Variants in EHD1 observed in about 807,000 individuals in gnomAD.
EHD1 encodes the protein EH domain containing 1.
A neutral mutation model predicts 39.0 loss-of-function variants in EHD1; 19 were observed. The ratio of observed to expected loss-of-function variants is 0.49; its 90% CI spans 0.34 to 0.72. EHD1 has a LOEUF of 0.72. Among genes scored for constraint, EHD1 ranks in the 30% least tolerant of loss-of-function variants. The pLI is 0.01. For missense variants in EHD1, 542 were observed against 751.5 expected, an observed-to-expected ratio of 0.72 and a Z score of 3.26; for synonymous variants, 323 against 331.2, an observed-to-expected ratio of 0.98 and a Z score of 0.27.
chr11:64,877,500 T>TC (rs1318172203), intron 1 of EHD1, among the ~76,000 whole-genome samples: 1 of 152,014 alleles, frequency 6.6e-6, no homozygotes, highest in Non-Finnish European at 1.5e-5. Flanking sequence ...ACCTCAACTG[T>TC]CCCCTGCCTC....
chr11:64,879,682 G>A, upstream of EHD1: 7 of 1,548,450 alleles, frequency 4.5e-6, no homozygotes, highest in African/African-American at 1.4e-5. Flanking sequence ...CCCTTTGGCT[G>A]TCCAGGCTGG....
In EHD1 at chr11:64,854,370, G is replaced by A. The variant is rs529387634; in HGVS notation, c.1568C>T (p.Pro523Leu). Residue 523 changes from proline (P) to leucine (L), a missense_variant, in exon 5 of 5, where the codon CCG (proline) becomes CTG (leucine). Coordinates refer to ENST00000320631, the MANE Select transcript of EHD1 (RefSeq NM_006795.4). ...EGHELPADLPPHLVPPSKRRH... is the reference protein window; with the variant it reads ...EGHELPADLPLHLVPPSKRRH... The stretch of plus-strand genomic sequence containing the variant: ...GCGCTTGGAGGGCGGCACCAGGTGC[G>A]GGGGCAGGTCGGCGGGCAGCTCGTG... 15 of 1,612,584 alleles carry A rather than the reference G, an allele frequency of 9.3e-6. No individual in the cohort carries two copies. Among genetic ancestry groups the A allele is most frequent in the East Asian group, 4.5e-5 (2 of 44,852 alleles).
intron 2 of EHD1, among the ~76,000 whole-genome samples, chr11:64,873,913 G>A (rs1289939673): frequency 4.6e-5 from 7 of 151,184 alleles, no homozygotes; most frequent in Middle Eastern, 3.4e-3. Context: ...TCCTGACCTC[G>A]TGATCCGCCC....
Position 64,855,178 on chromosome 11 carries a change from G to A in EHD1, c.1080+144C>T, listed in dbSNP as rs1166139970. 6 of 1,268,420 alleles carry A rather than the reference G, an allele frequency of 4.7e-6. No individual in the cohort carries two copies. The African/African-American group carries it at 9.1e-5, about 19-fold the overall frequency. The allele number at this position is 1,268,420 out of a possible 1,614,324, so 78.6% of individuals were successfully genotyped here. On this transcript the variant is annotated intron_variant, in intron 4 of 4. Transcript: ENST00000320631. ...ACCGCCTGGGTCAACTCTGAGTTGG[G>A]TGGGGTGCTGGTGATTAACCCAGCT...
At chr11:64,873,763 A>G (rs1476658381) in intron 2 of EHD1, among the ~76,000 whole-genome samples, 1 of 149,002 alleles carries the variant, frequency 6.7e-6, no homozygotes, top group Admixed American at 6.7e-5. Flanking sequence ...TGCAAGCTCT[A>G]CCTCCTGGGT....
upstream of EHD1, chr11:64,878,622 G>A (rs1943917589): frequency 2.8e-6 from 4 of 1,413,254 alleles, no homozygotes; most frequent in Middle Eastern, 2.6e-4. Flanking sequence ...TCTGCCGAAT[G>A]CTGCGCACCC....
intron 1 of EHD1, among the ~76,000 whole-genome samples, chr11:64,875,856 T>G (rs1033660497): frequency 2.6e-5 from 4 of 152,202 alleles, no homozygotes; most frequent in African/African-American, 7.2e-5. Context: ...GTCCTGGCCT[T>G]CCTGCTGGGG....
rs1206406215 is a variant in EHD1 at position 64,874,614 on chromosome 11, C to G, written c.405-96G>C. The G allele has an allele frequency of 1.3e-5, 13 of 973,590 alleles. No homozygotes were observed. In the East Asian group the frequency reaches 3.8e-4, roughly 28 times the overall value. 60.3% of individuals were successfully genotyped at this position (973,590 alleles called of 1,614,324 possible). On this transcript the variant is annotated intron_variant, in intron 1 of 4. Coordinates refer to ENST00000320631, the MANE Select transcript of EHD1 (RefSeq NM_006795.4). ...CTCTCTGTACTCCTTCGCTCCATCTCTGGCTTCCTCTCCAGCAGCGGGGAA... is the reference window on the plus strand; with the variant it reads ...CTCTCTGTACTCCTTCGCTCCATCTGTGGCTTCCTCTCCAGCAGCGGGGAA...
chr11:64,872,460 C>CA (rs892384081), intron 2 of EHD1, among the ~76,000 whole-genome samples: 5 of 151,916 alleles, frequency 3.3e-5, no homozygotes, highest in East Asian at 1.9e-4. Context: ...CACTCTGTCT[C>CA]AAAAAAATAA....
Position 64,854,172 on chromosome 11 carries a change from C to G in EHD1, c.*161G>C, listed in dbSNP as rs547602653. The G allele has an allele frequency of 7.9e-7, 1 of 1,267,556 alleles. No homozygotes were observed. The highest frequency in any genetic ancestry group is 1.1e-6 in the Non-Finnish European group (1 of 946,880). The allele number at this position is 1,267,556 out of a possible 1,614,324, so 78.5% of individuals were successfully genotyped here. A position where few individuals can be genotyped will look rare whatever the true frequency, so the allele number is the denominator to read the frequency against. ...TCTCACCCCTGCCTCCCCCGCCAGG[C>G]CCAGGAACAGCCTTAAAAGAAAGAT... On this transcript the variant is annotated 3_prime_UTR_variant, in exon 5 of 5. Coordinates refer to ENST00000320631, the MANE Select transcript of EHD1 (RefSeq NM_006795.4).
chr11:64,855,241 A>G, intron 4 of EHD1, 81 bp downstream of exon 4: 6 of 1,523,560 alleles, frequency 3.9e-6, no homozygotes, highest in Non-Finnish European at 5.3e-6. Context: ...TGGAGATGGG[A>G]TTCCCTCCAA....
intron 2 of EHD1, 87 bp from the exon 3 acceptor site, chr11:64,860,423 C>A: frequency 1.3e-6 from 2 of 1,485,826 alleles, no homozygotes; most frequent in Non-Finnish European, 1.8e-6. Flanking sequence ...TGGTATTTCT[C>A]AGCCTGAGAT....
intron 3 of EHD1, among the ~76,000 whole-genome samples, chr11:64,858,630 C>T (rs764271200): frequency 6.6e-6 from 1 of 152,242 alleles, no homozygotes; most frequent in Non-Finnish European, 1.5e-5. Context: ...GGGGTCAACC[C>T]CAACCACAGC....
chr11:64,873,680 C>CTTT (rs758063360), intron 2 of EHD1, among the ~76,000 whole-genome samples: 1 of 144,418 alleles, frequency 6.9e-6, no homozygotes, highest in Admixed American at 6.9e-5. Flanking sequence ...TACTCGGACA[C>CTTT]TTTTTTTTTT....
In EHD1 at chr11:64,857,983, G is replaced by A. The variant is rs528923036; in HGVS notation, c.915+1941C>T. The stretch of plus-strand genomic sequence containing the variant: ...GCAGGCAGGACAGTTCCCCAGCCAC[G>A]CTCCGGCCTGGCTGGCCTGGAGATA... On this transcript the variant is annotated intron_variant, in intron 3 of 4. Transcript: ENST00000320631. Among the ~76,000 whole-genome samples the A allele has an allele frequency of 7.5e-3, 1,136 of 151,270 alleles. 7 individuals carry two copies. Among genetic ancestry groups the A allele is most frequent in the Non-Finnish European group, 0.013 (898 of 67,876 alleles).
In EHD1 at chr11:64,878,232, A is replaced by T; in HGVS notation, c.233T>A (p.Leu78Gln). ...CATCCCCGGGAAGTCCTGCTCGATC[A>T]GGTGTCGGATGAAGGTGGTCTTGCC... is the stretch of plus-strand genomic sequence containing the variant. ...STGKTTFIRHLIEQDFPGMRI... is the reference protein window; with the variant it reads ...STGKTTFIRHQIEQDFPGMRI... The change falls in exon 1 of 5, where the codon CTG (leucine) becomes CAG (glutamine). Residue 78 changes from leucine to glutamine, a missense_variant. Coordinates refer to ENST00000320631, the MANE Select transcript of EHD1 (RefSeq NM_006795.4). The T allele has an allele frequency of 6.2e-7, 1 of 1,613,572 alleles. No individual in the cohort carries two copies. Among genetic ancestry groups the T allele is most frequent in the African/African-American group, 1.3e-5 (1 of 75,038 alleles).
chr11:64,866,044 G>A (rs1173220008), intron 2 of EHD1, among the ~76,000 whole-genome samples: 1 of 152,082 alleles, frequency 6.6e-6, no homozygotes, highest in African/African-American at 2.4e-5. Context: ...TCTGCCATAA[G>A]GACACATGCA....
In EHD1 at chr11:64,860,077, G is replaced by A. The variant is rs753192607; in HGVS notation, c.762C>T (p.Ile254=). 19 of 1,614,152 alleles carry A rather than the reference G, an allele frequency of 1.2e-5. No homozygotes were observed. The highest frequency in any genetic ancestry group is 1.1e-4 in the African/African-American group (8 of 75,044). Residue 254 remains isoleucine, a synonymous_variant, in exon 3 of 5, where the codon ATC becomes ATT. Transcript: ENST00000320631. ...GGAGCGGGTGGGACCAGAAGGAGCC[G>A]ATGTAGACCCTGACCACCTCGGGGG... ...INTPEVVRVY[I]GSFWSHPLLI...
upstream of EHD1, chr11:64,879,644 C>T: frequency 6.4e-7 from 1 of 1,551,012 alleles, no homozygotes; most frequent in Non-Finnish European, 8.7e-7. Context: ...GCTCACTCCC[C>T]CGCCATCCTC....
Sources: gnomAD v4.1 joint callset for allele counts (sites outside exome capture counted in the v4.1 genomes callset) on GRCh38, gnomAD v4.1.1 for gene constraint, MANE v1.5 for transcripts, NCBI Gene and HGNC (gene_info 2026-07-23, HGNC 2026-07-21) for gene names.